Variants in FAAH2 observed in about 807,000 individuals in gnomAD.
The protein encoded by FAAH2 is fatty-acid amide hydrolase 2.
In FAAH2, 60 loss-of-function variants were observed where a neutral mutation model predicts 36.9. The observed-to-expected ratio is 1.63, with a 90% CI of 1.32 to 2.02. The LOEUF (loss-of-function observed/expected upper bound fraction) is 2.02, where lower values mean the gene tolerates loss of function less well. Among genes scored for constraint, FAAH2 ranks in the 30% most tolerant of loss-of-function variants. The pLI, the probability that FAAH2 is intolerant of heterozygous loss-of-function variation, is 0.00. For missense variants in FAAH2, 689 were observed against 397.5 expected (o/e 1.73, Z -6.23); for synonymous variants, 214 against 143.8 (o/e 1.49, Z -3.49).
chrX:57,303,289 C>T (rs900052899), intron 2 of FAAH2, among the ~76,000 whole-genome samples: 1 of 111,590 alleles, frequency 9.0e-6, no homozygotes, highest in Admixed American at 9.5e-5. Flanking sequence ...GAAATAGCTG[C>T]TGCAGTTCTT....
chrX:57,448,905 G>A (rs2056733822), intron 10 of FAAH2, among the ~76,000 whole-genome samples, 187 bp downstream of exon 10: 1 of 111,907 alleles, frequency 8.9e-6, no homozygotes, highest in South Asian at 3.7e-4. Flanking sequence ...CCAATATCTG[G>A]TTTCTCCACA....
At chrX:57,457,960 T>C (rs2056890721) in intron 10 of FAAH2, among the ~76,000 whole-genome samples, 1 of 112,001 alleles carries the variant, frequency 8.9e-6, no homozygotes, top group South Asian at 3.6e-4. Context: ...TAAATTCATT[T>C]GGAACAAAAA....
chrX:57,288,170 G>A (rs2051864935), intron 1 of FAAH2, among the ~76,000 whole-genome samples: 1 of 110,009 alleles, frequency 9.1e-6, no homozygotes, highest in Non-Finnish European at 1.9e-5. Context: ...GTCTGTTCAT[G>A]GCTCTGTGAC....
At chrX:57,392,907 T>C (rs2055200810) in intron 7 of FAAH2, 1 of 841,074 alleles carries the variant, frequency 1.2e-6, no homozygotes, top group Admixed American at 2.2e-5. Context: ...TTCAGCTTTG[T>C]GTTGAGCTTT....
At chrX:57,386,410 A>C (rs746290463) in intron 7 of FAAH2, among the ~76,000 whole-genome samples, 2 of 109,946 alleles carry the variant, frequency 1.8e-5, no homozygotes, top group East Asian at 5.6e-4. Context: ...TGGGTTGATA[A>C]ACCATAGAAT....
rs182348548 is a variant in FAAH2 at position 57,296,231 on chromosome X, C to T, written c.275+3651C>T. ...AGGGCCAGACTGACACCTCACATTG[C>T]CCAGTACTCCTCTGAGACAAAACAT... On this transcript the variant is annotated intron_variant, in intron 2 of 10. Transcript: ENST00000374900. 2.5e-3 allele frequency among the ~76,000 whole-genome samples: 283 copies of T among 111,456 alleles called. 1 individual carries two copies. The highest frequency in any genetic ancestry group is 8.7e-3 in the African/African-American group (268 of 30,657).
At chrX:57,374,834 T>G (rs1400547336) in intron 5 of FAAH2, among the ~76,000 whole-genome samples, 2 of 111,463 alleles carry the variant, frequency 1.8e-5, no homozygotes, top group Non-Finnish European at 3.8e-5. Context: ...AGTATTATGT[T>G]GGCTGTGGGT....
At chrX:57,214,090 A>AAAG in the FAAH2 span, among the ~76,000 whole-genome samples, 1 of 111,790 alleles carries the variant, frequency 8.9e-6, no homozygotes, top group Non-Finnish European at 1.9e-5. Flanking sequence ...TTGTTGATTT[A>AAAG]AAGTCTGTTG....
At chrX:57,282,057 C>A (rs5914074), upstream of FAAH2, among the ~76,000 whole-genome samples, 40,394 of 110,842 alleles carry the variant, frequency 0.36, 6,286 homozygotes, top group Middle Eastern at 0.61. Context: ...TGTGGTCGAA[C>A]AATTTATATT....
the FAAH2 span, among the ~76,000 whole-genome samples, chrX:57,276,307 C>T: frequency 1.8e-4 from 20 of 112,128 alleles, no homozygotes; most frequent in East Asian, 5.6e-3. Context: ...ACTGAACAAC[C>T]TGCTCCTGAA....
the FAAH2 span, among the ~76,000 whole-genome samples, chrX:57,200,183 T>A: frequency 2.7e-5 from 3 of 110,486 alleles, no homozygotes; most frequent in Non-Finnish European, 5.7e-5. Context: ...GCCTTTTTTT[T>A]AATGAAGGTG....
At chrX:57,274,059 T>C in the FAAH2 span, among the ~76,000 whole-genome samples, 4 of 110,345 alleles carry the variant, frequency 3.6e-5, no homozygotes, top group Non-Finnish European at 5.7e-5. Flanking sequence ...GTAGACAAAA[T>C]AAAAAATGAT....
the FAAH2 span, among the ~76,000 whole-genome samples, chrX:57,194,122 T>G: frequency 8.9e-6 from 1 of 111,765 alleles, no homozygotes; most frequent in African/African-American, 3.2e-5. Context: ...TTTAAATGTT[T>G]GATAGAATTC....
chrX:57,421,494 T>C lies in FAAH2; in HGVS notation c.997-10424T>C, dbSNP rs763380362. 4.5e-5 allele frequency among the ~76,000 whole-genome samples: 5 copies of C among 111,627 alleles called. No individual in the cohort carries two copies. The East Asian group carries it at 1.4e-3, about 31-fold the overall frequency. ...GGAATCTGATATCACGGTGCCAGTA[T>C]GGTCAGGTTTTGGTGAAGGCTCTCT... On this transcript the variant is annotated intron_variant, in intron 7 of 10. Coordinates refer to ENST00000374900, the MANE Select transcript of FAAH2 (RefSeq NM_174912.4).
At chrX:57,473,768 T>TTATTTA (rs1315261429) in intron 10 of FAAH2, among the ~76,000 whole-genome samples, 1 of 111,756 alleles carries the variant, frequency 8.9e-6, no homozygotes, top group Non-Finnish European at 1.9e-5. Context: ...TATAATGACC[T>TTATTTA]TATTTATATT....
At chrX:57,313,525 C>G (rs1014352507) in intron 3 of FAAH2, among the ~76,000 whole-genome samples, 1 of 110,480 alleles carries the variant, frequency 9.1e-6, no homozygotes, top group Non-Finnish European at 1.9e-5. Flanking sequence ...AAGTCACATA[C>G]AGAGAGTACT....
the FAAH2 span, among the ~76,000 whole-genome samples, chrX:57,244,084 G>T: frequency 9.3e-6 from 1 of 107,825 alleles, no homozygotes; most frequent in African/African-American, 3.4e-5. Context: ...CATAGCATGA[G>T]AACTTCGTGA....
rs1009255067 is a variant in FAAH2, at chrX:57,333,615, C to T, written c.622+1808C>T. Among the ~76,000 whole-genome samples, 6 of 105,551 alleles carry T rather than the reference C, an allele frequency of 5.7e-5. No individual in the cohort carries two copies. The East Asian group carries it at 1.2e-3, about 21-fold the overall frequency. 91.7% of individuals were successfully genotyped at this position (105,551 alleles called of 115,157 possible). A position where few individuals can be genotyped will look rare whatever the true frequency, so the allele number is the denominator to read the frequency against. On this transcript the variant is annotated intron_variant, in intron 4 of 10. Transcript: ENST00000374900. ...TGCTAGAAATAAAAAAAAAATATAA[C>T]AGAAATGAAGAACATCTTTGATGGG... is the stretch of plus-strand genomic sequence containing the variant.
intron 7 of FAAH2, chrX:57,394,702 T>C: frequency 3.4e-6 from 3 of 891,227 alleles, no homozygotes; most frequent in Non-Finnish European, 5.0e-6. Context: ...ATCTGGGACA[T>C]AATTGATTCC....
Sources: allele counts gnomAD v4.1 joint callset (sites outside exome capture counted in the v4.1 genomes callset), GRCh38; gene constraint gnomAD v4.1.1; transcripts MANE v1.5; gene names NCBI Gene and HGNC (gene_info 2026-07-23, HGNC 2026-07-21).